CSMD1: variants seen among roughly 807,000 people sequenced by gnomAD.
CSMD1 encodes CUB and Sushi multiple domains 1.
In CSMD1, 213 loss-of-function variants were observed where a neutral mutation model predicts 417.5. The observed-to-expected ratio is 0.51, with a 90% CI of 0.46 to 0.57. The LOEUF (loss-of-function observed/expected upper bound fraction) is 0.57. Ranked by LOEUF, CSMD1 falls within the 20% of genes least tolerant of loss-of-function variation. The pLI is 0.00. For synonymous variants in CSMD1, 2,862 were observed against 1,736.8 expected, an observed-to-expected ratio of 1.65 and a Z score of -16.11; for missense variants, 6,923 against 4,529.7, an observed-to-expected ratio of 1.53 and a Z score of -15.17.
intron 3 of CSMD1, among the ~76,000 whole-genome samples, chr8:4,190,471 G>C (rs912490817): frequency 6.6e-6 from 1 of 151,350 alleles, no homozygotes. Flanking sequence ...CACTATTAGA[G>C]TATTTCGTAA....
intron 41 of CSMD1, among the ~76,000 whole-genome samples, chr8:3,140,978 A>T (rs1253979274): frequency 6.6e-6 from 1 of 152,158 alleles, no homozygotes. Context: ...GCAGGTACCC[A>T]TTATCTGTGC....
At chr8:4,093,694 C>T (rs762420101) in intron 3 of CSMD1, among the ~76,000 whole-genome samples, 1 of 152,128 alleles carries the variant, frequency 6.6e-6, no homozygotes, top group Non-Finnish European at 1.5e-5. Flanking sequence ...GGTGCAGAGG[C>T]TCACAACTGT....
chr8:3,892,211 G>A (rs547794598), intron 5 of CSMD1, among the ~76,000 whole-genome samples: 1 of 152,092 alleles, frequency 6.6e-6, no homozygotes, highest in Non-Finnish European at 1.5e-5. Context: ...ATTTTACAAG[G>A]TTAAATTAAA....
intron 5 of CSMD1, among the ~76,000 whole-genome samples, chr8:3,780,368 A>AAG (rs927799265): frequency 7.2e-5 from 11 of 152,212 alleles, no homozygotes; most frequent in African/African-American, 2.4e-4. Flanking sequence ...GCAAACAATC[A>AAG]AGAGGCGGCC....
intron 50 of CSMD1, among the ~76,000 whole-genome samples, chr8:3,033,921 G>T (rs1042110159): frequency 6.6e-6 from 1 of 152,210 alleles, no homozygotes; most frequent in African/African-American, 2.4e-5. Flanking sequence ...GTAACAAGGA[G>T]TTGAGTCTCA....
chr8:3,999,331 A>G (rs1301410077), intron 4 of CSMD1, among the ~76,000 whole-genome samples: 1 of 152,172 alleles, frequency 6.6e-6, no homozygotes, highest in Non-Finnish European at 1.5e-5. Context: ...CAAAGTGCAT[A>G]TCTTCGACCC....
intron 12 of CSMD1, among the ~76,000 whole-genome samples, chr8:3,456,847 A>T (rs544612625): frequency 6.6e-6 from 1 of 152,106 alleles, no homozygotes; most frequent in African/African-American, 2.4e-5. Flanking sequence ...GCAGAACTGA[A>T]ACCCGAGCCC....
intron 3 of CSMD1, among the ~76,000 whole-genome samples, chr8:4,043,079 C>T (rs759472016): frequency 5.3e-5 from 8 of 151,898 alleles, no homozygotes; most frequent in South Asian, 2.1e-4. Context: ...GTGCAGTGAG[C>T]GGAAATTGCA....
chr8:3,754,385 G>T (rs969302774), intron 5 of CSMD1, among the ~76,000 whole-genome samples: 1 of 151,972 alleles, frequency 6.6e-6, no homozygotes, highest in African/African-American at 2.4e-5. Context: ...AAAAGAAATA[G>T]GAAAATGATA....
chr8:3,254,898 G>T (rs1365378676), intron 26 of CSMD1, among the ~76,000 whole-genome samples: 2 of 152,096 alleles, frequency 1.3e-5, no homozygotes, highest in South Asian at 2.1e-4. Context: ...ATCCAGCTTT[G>T]TTCCATTGTT....
At chr8:4,305,465 C>G (rs1249169562) in intron 3 of CSMD1, among the ~76,000 whole-genome samples, 1 of 152,188 alleles carries the variant, frequency 6.6e-6, no homozygotes, top group African/African-American at 2.4e-5. Context: ...CAGCTGGAAT[C>G]ACTGTAAAAT....
chr8:3,162,929 C>T lies in CSMD1; in HGVS notation c.5726-652G>A, dbSNP rs368981902. ...TTAAAGGCATCATATAATACTGGAACTCAGCCTAAGGTATCAGATAAACGA... is the reference window on the plus strand; with the variant it reads ...TTAAAGGCATCATATAATACTGGAATTCAGCCTAAGGTATCAGATAAACGA... On this transcript the variant is annotated intron_variant, in intron 37 of 69. Coordinates refer to ENST00000635120, the MANE Select transcript of CSMD1 (RefSeq NM_033225.6). Among the ~76,000 whole-genome samples the T allele has an allele frequency of 1.9e-3, 286 of 152,268 alleles. 1 individual carries two copies. Among genetic ancestry groups the T allele is most frequent in the African/African-American group, 6.7e-3 (279 of 41,564 alleles).
chr8:3,906,280 C>T (rs147517906), intron 5 of CSMD1, among the ~76,000 whole-genome samples: 212 of 128,796 alleles, frequency 1.6e-3, no homozygotes, highest in Middle Eastern at 4.2e-3. Flanking sequence ...CAAATAAAAT[C>T]AATTGTCATA....
intron 3 of CSMD1, among the ~76,000 whole-genome samples, chr8:4,411,309 A>G (rs1430429488): frequency 6.6e-6 from 1 of 152,160 alleles, no homozygotes; most frequent in Non-Finnish European, 1.5e-5. Flanking sequence ...TTCCTTTTAG[A>G]CAAGTAACTA....
intron 5 of CSMD1, among the ~76,000 whole-genome samples, chr8:3,755,533 T>C (rs1797610155): frequency 6.6e-6 from 1 of 152,210 alleles, no homozygotes; most frequent in African/African-American, 2.4e-5. Flanking sequence ...CGTGTGGGCC[T>C]GCCTGTGAGC....
At chr8:3,780,905 G>A (rs928778339) in intron 5 of CSMD1, among the ~76,000 whole-genome samples, 1 of 152,168 alleles carries the variant, frequency 6.6e-6, no homozygotes, top group Non-Finnish European at 1.5e-5. Context: ...GGTAACACTG[G>A]AGAATTTAGG....
intron 2 of CSMD1, among the ~76,000 whole-genome samples, chr8:4,516,521 G>C (rs1216418884): frequency 6.6e-6 from 1 of 152,212 alleles, no homozygotes; most frequent in East Asian, 1.9e-4. Flanking sequence ...TTGGGGAGTT[G>C]ATGTGCCATT....
chr8:3,698,553 A>G (rs936591065), intron 7 of CSMD1, among the ~76,000 whole-genome samples: 47 of 152,244 alleles, frequency 3.1e-4, no homozygotes, highest in African/African-American at 1.1e-3. Context: ...CTTCTGCAGC[A>G]GTGTTAGAAA....
intron 46 of CSMD1, among the ~76,000 whole-genome samples, chr8:3,105,119 T>C (rs943544176): frequency 6.6e-6 from 1 of 152,228 alleles, no homozygotes; most frequent in African/African-American, 2.4e-5. Flanking sequence ...CAGTTAACAT[T>C]ATAAAACACT....
Sources: gnomAD v4.1 joint callset for allele counts (sites outside exome capture counted in the v4.1 genomes callset) on GRCh38, gnomAD v4.1.1 for gene constraint, MANE v1.5 for transcripts, NCBI Gene and HGNC (gene_info 2026-07-23, HGNC 2026-07-21) for gene names.